The following DLG5 variants were observed in gnomAD, a reference collection of about 807,000 sequenced individuals.
DLG5 encodes discs large MAGUK scaffold protein 5, also known as disks large homolog 5.
DLG5 carries 48 observed loss-of-function variants against 189.8 expected under a neutral mutation model. The observed-to-expected ratio is 0.25, with a 90% CI of 0.20 to 0.32. The LOEUF (loss-of-function observed/expected upper bound fraction) is 0.32, where lower values mean the gene tolerates loss of function less well. Among genes scored for constraint, DLG5 ranks in the 10% least tolerant of loss-of-function variants. The pLI, the probability that DLG5 is intolerant of heterozygous loss-of-function variation, is 1.00. For synonymous variants in DLG5, 1,016 were observed against 1,054.1 expected (o/e 0.96, Z 0.70); for missense variants, 2,160 against 2,544.7 (o/e 0.85, Z 3.25).
rs55841913 is a variant in DLG5 at position 77,916,904 on chromosome 10, A to AATATATATATATATATATATATATATAT, written c.304+9312_304+9313insATATATATATATATATATATATATATAT. 2.7e-3 allele frequency among the ~76,000 whole-genome samples: 345 copies of AATATATATATATATATATATATATATAT among 128,790 alleles called. 7 individuals carry two copies. Among genetic ancestry groups the AATATATATATATATATATATATATATAT allele is most frequent in the African/African-American group, 8.3e-3 (266 of 32,052 alleles). 84.5% of individuals were successfully genotyped at this position (128,790 alleles called of 152,430 possible). A position where few individuals can be genotyped will look rare whatever the true frequency, so the allele number is the denominator to read the frequency against. Reference sequence around the variant, plus strand: ...AGGTAAAGAAACAAATAAAATATAGAATATATATATATATATATATATGAA... The same window carrying AATATATATATATATATATATATATATAT: ...AGGTAAAGAAACAAATAAAATATAGAATATATATATATATATATATATATATATATATATATATATATATATATATGAA... On this transcript the variant is annotated intron_variant, in intron 1 of 31. Transcript: ENST00000372391.
At chr10:77,814,505 A>ATATATATATATCTC (rs36102159) in intron 20 of DLG5, among the ~76,000 whole-genome samples, 1 of 110,256 alleles carries the variant, frequency 9.1e-6, no homozygotes, top group Non-Finnish European at 1.8e-5. Flanking sequence ...ATATATATAT[A>ATATATATATATCTC]TCCAAAGGGT....
At chr10:77,800,364 G>A (rs186393790) in intron 27 of DLG5, among the ~76,000 whole-genome samples, 1 of 152,318 alleles carries the variant, frequency 6.6e-6, no homozygotes, top group East Asian at 1.9e-4. Flanking sequence ...GAAGGAAACT[G>A]GAGTATTAGA....
At chr10:77,827,508 G>C (rs952565378) in intron 13 of DLG5, among the ~76,000 whole-genome samples, 1 of 152,186 alleles carries the variant, frequency 6.6e-6, no homozygotes, top group Non-Finnish European at 1.5e-5. Context: ...TTACGGGCGT[G>C]AGCCACCGTG....
chr10:77,793,751 C>T (rs1840761858), intron 31 of DLG5: 4 of 528,180 alleles, frequency 7.6e-6, no homozygotes, highest in South Asian at 6.2e-5. Flanking sequence ...AGACCCACCA[C>T]TGCACGTGTG....
intron 2 of DLG5, among the ~76,000 whole-genome samples, chr10:77,866,144 A>T (rs1360896822): frequency 6.6e-6 from 1 of 152,134 alleles, no homozygotes; most frequent in Non-Finnish European, 1.5e-5. Flanking sequence ...GGTGTGGCTG[A>T]GCCAGCAGGA....
chr10:77,930,814 ATT>A (rs35563477), upstream of DLG5, among the ~76,000 whole-genome samples: 117 of 91,624 alleles, frequency 1.3e-3, no homozygotes, highest in African/African-American at 2.9e-3. Flanking sequence ...CACCTGGCTA[ATT>A]TTTTTTTTTT....
At chr10:77,931,977 A>G in the DLG5 span, among the ~76,000 whole-genome samples, 1 of 152,238 alleles carries the variant, frequency 6.6e-6, no homozygotes, top group Non-Finnish European at 1.5e-5. Context: ...TCTGGCAGGC[A>G]TATAAACTCC....
intron 5 of DLG5, among the ~76,000 whole-genome samples, chr10:77,848,837 A>G (rs1843820583): frequency 6.6e-6 from 1 of 152,222 alleles, no homozygotes; most frequent in Admixed American, 6.5e-5. Flanking sequence ...CATTTCCACA[A>G]AGCTAGGCTG....
rs771973737 is a variant in DLG5, at chr10:77,821,874, C to T, written c.2610G>A (p.Lys870=). The change falls in exon 15 of 32, where the codon AAG becomes AAA. Residue 870 remains lysine, a synonymous_variant. Coordinates refer to ENST00000372391, the MANE Select transcript of DLG5 (RefSeq NM_004747.4). ...PPGGSSSFLH[K]PFPGGPLQVC... ...CCTGCAAGGGTCCCCCAGGGAATGG[C>T]TTATGCAGAAAGGAGCTGCTGCCTC... 6.2e-7 allele frequency: 1 copy of T among 1,614,176 alleles called. No individual in the cohort carries two copies. The highest frequency in any genetic ancestry group is 8.5e-7 in the Non-Finnish European group (1 of 1,180,010).
Position 77,877,574 on chromosome 10 carries a change from G to A in DLG5, c.305-8377C>T, listed in dbSNP as rs372429020. ...GGTTGGGGATGGGAGCAGGGAGGGA[G>A]GGAAGGCAGTGGGAGGACCTAAGAC... On this transcript the variant is annotated intron_variant, in intron 1 of 31. Coordinates refer to ENST00000372391, the MANE Select transcript of DLG5 (RefSeq NM_004747.4). Among the ~76,000 whole-genome samples the A allele has an allele frequency of 3.5e-4, 53 of 152,262 alleles. No individual in the cohort carries two copies. In the East Asian group the frequency reaches 6.6e-3, roughly 19 times the overall value.
chr10:77,821,395 G>C lies in DLG5; in HGVS notation c.3089C>G (p.Thr1030Ser), dbSNP rs919989114. The C allele has an allele frequency of 2.5e-6, 4 of 1,612,506 alleles. No homozygotes were observed. The African/African-American group carries it at 4.0e-5, about 16-fold the overall frequency. ...DSIKFQHRLE[T>S]SSESEATLVG... ...CAGAGTGGCTTCTGACTCGGAGCTA[G>C]TCTCCAGCCTGTGCTGGAACTTAAT... Residue 1030 changes from threonine to serine, a missense_variant, in exon 15 of 32, where the codon ACT becomes AGT. Thr to Ser is a moderately conservative substitution (Grantham distance 58). Around this residue, in one of 5 missense-constraint regions of DLG5, gnomAD observed 754 missense variants for 746.5 expected, o/e 1.01. Coordinates refer to ENST00000372391, the MANE Select transcript of DLG5 (RefSeq NM_004747.4).
chr10:77,927,064 C>T, upstream of DLG5: 1 of 219,038 alleles, frequency 4.6e-6, no homozygotes, highest in South Asian at 5.1e-5. Flanking sequence ...GCCCCGCGGC[C>T]GCCACCCGCT....
chr10:77,904,352 T>G (rs1230159071), intron 1 of DLG5, among the ~76,000 whole-genome samples: 1 of 151,650 alleles, frequency 6.6e-6, no homozygotes, highest in Non-Finnish European at 1.5e-5. Context: ...GACTTTGGAC[T>G]GTGGACTTTT....
rs141497571 is a variant in DLG5, at chr10:77,874,256, A to C, written c.305-5059T>G. ...GCACAGCTGGGGCCAAACTGCTTGGAGTTAACTCCCAGCCCAGCCCCTTAT... is the reference window on the plus strand; with the variant it reads ...GCACAGCTGGGGCCAAACTGCTTGGCGTTAACTCCCAGCCCAGCCCCTTAT... On this transcript the variant is annotated intron_variant, in intron 1 of 31. Transcript: ENST00000372391. Among the ~76,000 whole-genome samples the C allele has an allele frequency of 1.5e-4, 23 of 152,318 alleles. No individual in the cohort carries two copies. The East Asian group carries it at 4.2e-3, about 28-fold the overall frequency.
intron 7 of DLG5, among the ~76,000 whole-genome samples, chr10:77,839,013 C>T (rs989283246): frequency 6.6e-6 from 1 of 152,246 alleles, no homozygotes; most frequent in African/African-American, 2.4e-5. Flanking sequence ...CCAGTCAACA[C>T]CCCCTGTGGA....
At chr10:77,810,724 G>A (rs1841721352) in intron 23 of DLG5, among the ~76,000 whole-genome samples, 1 of 152,240 alleles carries the variant, frequency 6.6e-6, no homozygotes, top group African/African-American at 2.4e-5. Flanking sequence ...CACGTGCCCG[G>A]CACTGGTCTG....
chr10:77,818,926 G>C (rs150265139), intron 17 of DLG5, among the ~76,000 whole-genome samples: 1 of 152,182 alleles, frequency 6.6e-6, no homozygotes, highest in Admixed American at 6.5e-5. Flanking sequence ...TCTGTCAAAT[G>C]AATGAATAAG....
intron 1 of DLG5, among the ~76,000 whole-genome samples, chr10:77,884,789 C>T (rs776520445): frequency 2.0e-5 from 3 of 152,246 alleles, no homozygotes; most frequent in South Asian, 2.1e-4. Flanking sequence ...CAATCCAAGA[C>T]GGGCCCTCAG....
intron 1 of DLG5, among the ~76,000 whole-genome samples, chr10:77,910,896 T>G (rs1781798): frequency 6.7e-6 from 1 of 150,058 alleles, no homozygotes; most frequent in African/African-American, 2.5e-5. Context: ...CTCTTGAACC[T>G]GGAAGTCAGA....
Sources: allele counts gnomAD v4.1 joint callset (sites outside exome capture counted in the v4.1 genomes callset), GRCh38; gene constraint gnomAD v4.1.1; regional missense constraint gnomAD v4.1.1; transcripts MANE v1.5; gene names NCBI Gene and HGNC (gene_info 2026-07-23, HGNC 2026-07-21).